METTL8: variants seen among roughly 807,000 people sequenced by gnomAD.
METTL8 encodes the protein methyltransferase 8, tRNA N3-cytidine, also known as tRNA N(3)-cytidine methyltransferase METTL8, mitochondrial.
In METTL8, 32 loss-of-function variants were observed where a neutral mutation model predicts 48.7. The observed-to-expected ratio is 0.66, with a 90% CI of 0.50 to 0.88. The LOEUF is 0.88. METTL8 is among the 40% of genes least tolerant of loss of function. METTL8 has a pLI of 0.00. For synonymous variants in METTL8, 136 were observed against 157.1 expected, an observed-to-expected ratio of 0.87 and a Z score of 1.01; for missense variants, 464 against 474.4, an observed-to-expected ratio of 0.98 and a Z score of 0.20.
chr2:171,391,928 A>G, intron 2 of METTL8, 115 bp downstream of exon 2: 3 of 1,063,838 alleles, frequency 2.8e-6, no homozygotes, highest in Non-Finnish European at 4.0e-6. Context: ...TTGGACCTCT[A>G]CAACATGAGT....
At chr2:171,423,133 G>A (rs760016522) in intron 1 of METTL8, among the ~76,000 whole-genome samples, 11 of 152,184 alleles carry the variant, frequency 7.2e-5, no homozygotes, top group Non-Finnish European at 1.3e-4. Context: ...GCTGCCATGT[G>A]AAGAACGATG....
At position 171,317,374 on chromosome 2, in the gene METTL8, G is replaced by C. The variant is rs1397941378; in HGVS notation, c.*6798C>G. 1.3e-5 allele frequency: 2 copies of C among 152,302 alleles called. No homozygotes were observed. Among genetic ancestry groups the C allele is most frequent in the East Asian group, 3.9e-4 (2 of 5,190 alleles). 9.4% of individuals were successfully genotyped at this position (152,302 alleles called of 1,614,324 possible). A position where few individuals can be genotyped will look rare whatever the true frequency, so the allele number is the denominator to read the frequency against. On this transcript the variant is annotated 3_prime_UTR_variant, in exon 10 of 10. Coordinates refer to ENST00000375258, the MANE Select transcript of METTL8 (RefSeq NM_001321154.2). ...CATTTTTCTGGACCAAACCTCATCAGCCCAACTAGGAAAGACGATGCTGGA... is the reference window on the plus strand; with the variant it reads ...CATTTTTCTGGACCAAACCTCATCACCCCAACTAGGAAAGACGATGCTGGA...
At chr2:171,433,513 T>C (rs957683165) in intron 1 of METTL8, among the ~76,000 whole-genome samples, 7 of 152,166 alleles carry the variant, frequency 4.6e-5, no homozygotes, top group African/African-American at 1.7e-4. Context: ...GGTGCAAGCT[T>C]GCTGAAAGTT....
chr2:171,341,588 C>T (rs1686777413), intron 3 of METTL8, among the ~76,000 whole-genome samples: 1 of 150,794 alleles, frequency 6.6e-6, no homozygotes, highest in African/African-American at 2.4e-5. Context: ...GGCAGTGCTA[C>T]AGGCAGTAAC....
intron 3 of METTL8, among the ~76,000 whole-genome samples, chr2:171,353,950 C>T (rs1456623208): frequency 1.4e-4 from 21 of 151,694 alleles, no homozygotes; most frequent in Non-Finnish European, 2.5e-4. Flanking sequence ...GAGCATTTAG[C>T]CCATTTACAT....
chr2:171,434,624 G>A, upstream of METTL8: 1 of 1,531,086 alleles, frequency 6.5e-7, no homozygotes, highest in Non-Finnish European at 8.7e-7. Flanking sequence ...CTGAGTCGCC[G>A]GGCGCTGGGC....
chr2:171,407,576 T>C (rs1690320104), intron 1 of METTL8, among the ~76,000 whole-genome samples: 1 of 152,168 alleles, frequency 6.6e-6, no homozygotes, highest in Admixed American at 6.5e-5. Flanking sequence ...AGCTAAAACA[T>C]GGACTCCCGT....
At position 171,405,595 on chromosome 2, in the gene METTL8, T is replaced by C. The variant is rs187712622; in HGVS notation, c.-12-13398A>G. On this transcript the variant is annotated intron_variant, in intron 1 of 9. Coordinates refer to ENST00000375258, the MANE Select transcript of METTL8 (RefSeq NM_001321154.2). Reference sequence around the variant, plus strand: ...AGTTGGGCTGTATTTTGAGGGATCATGTAGGTGAAAGAAGGGTATTTGTTA... The same window carrying C: ...AGTTGGGCTGTATTTTGAGGGATCACGTAGGTGAAAGAAGGGTATTTGTTA... Among the ~76,000 whole-genome samples the C allele has an allele frequency of 1.5e-3, 226 of 152,210 alleles. 5 individuals are homozygous for C. The highest frequency in any genetic ancestry group is 8.4e-3 in the Admixed American group (129 of 15,276).
chr2:171,329,430 C>T (rs143629734), intron 7 of METTL8, among the ~76,000 whole-genome samples: 3 of 152,206 alleles, frequency 2.0e-5, no homozygotes, highest in African/African-American at 7.2e-5. Context: ...GTTCTCTATC[C>T]ACCTCTCCAT....
At chr2:171,332,444 C>G (rs1045499256) in intron 5 of METTL8, 2 of 152,488 alleles carry the variant, frequency 1.3e-5, no homozygotes, top group Non-Finnish European at 2.9e-5. Context: ...GCCACTGTGC[C>G]TGGCCAATAG....
At chr2:171,370,654 G>A (rs975120388) in intron 2 of METTL8, among the ~76,000 whole-genome samples, 1 of 152,114 alleles carries the variant, frequency 6.6e-6, no homozygotes, top group Non-Finnish European at 1.5e-5. Context: ...AGCCGGGTGT[G>A]GTGGTGGGCA....
At chr2:171,393,745 C>T (rs544868928) in intron 1 of METTL8, among the ~76,000 whole-genome samples, 47 of 152,256 alleles carry the variant, frequency 3.1e-4, no homozygotes, top group Non-Finnish European at 5.9e-4. Flanking sequence ...ATTGGAGGTG[C>T]TATTAGGCGT....
chr2:171,360,371 GA>G, intron 3 of METTL8, 50 bp downstream of exon 3: 1 of 1,505,452 alleles, frequency 6.6e-7, no homozygotes, highest in Non-Finnish European at 9.2e-7. Context: ...CGAGGAGGAG[GA>G]AAAGTCACTA....
intron 1 of METTL8, among the ~76,000 whole-genome samples, chr2:171,425,830 A>G (rs556935076): frequency 1.3e-5 from 2 of 152,342 alleles, no homozygotes; most frequent in East Asian, 3.8e-4. Flanking sequence ...AGACAGGGAT[A>G]AGAATGTCTA....
chr2:171,327,569 A>T (rs1485543368), intron 7 of METTL8, among the ~76,000 whole-genome samples: 1 of 152,198 alleles, frequency 6.6e-6, no homozygotes, highest in Non-Finnish European at 1.5e-5. Context: ...TTCAATTAAA[A>T]CACTGTTCAG....
At chr2:171,374,829 T>C (rs1194775045) in intron 2 of METTL8, 3 of 688,860 alleles carry the variant, frequency 4.4e-6, no homozygotes, top group Non-Finnish European at 7.8e-6. Context: ...ATGTTTAACA[T>C]ACACAGTAGG....
At position 171,337,437 on chromosome 2, in the gene METTL8, A is replaced by T; in HGVS notation, c.656+16T>A. 6.4e-7 allele frequency: 1 copy of T among 1,568,388 alleles called. No homozygotes were observed. Among genetic ancestry groups the T allele is most frequent in the Non-Finnish European group, 8.7e-7 (1 of 1,154,722 alleles). On this transcript the variant is annotated intron_variant, in intron 5 of 9. Coordinates refer to ENST00000375258, the MANE Select transcript of METTL8 (RefSeq NM_001321154.2). ...AATATGTAAAATTCTGTAGAAAGAA[A>T]ACTCTTAAAACTCACTCCAAAGTGT...
chr2:171,336,025 A>G (rs2105409761), intron 5 of METTL8, among the ~76,000 whole-genome samples: 1 of 152,324 alleles, frequency 6.6e-6, no homozygotes, highest in Admixed American at 6.5e-5. Context: ...TCATGGAAAA[A>G]GTAAAAGACA....
intron 2 of METTL8, among the ~76,000 whole-genome samples, chr2:171,383,114 G>A (rs1417122320): frequency 1.3e-5 from 2 of 152,002 alleles, no homozygotes; most frequent in African/African-American, 4.8e-5. Flanking sequence ...AAACACACAT[G>A]TGTACTGAAC....
Sources: gnomAD v4.1 joint callset for allele counts (sites outside exome capture counted in the v4.1 genomes callset) on GRCh38, gnomAD v4.1.1 for gene constraint, MANE v1.5 for transcripts, NCBI Gene and HGNC (gene_info 2026-07-23, HGNC 2026-07-21) for gene names.